LARGE1: variants seen among roughly 807,000 people sequenced by gnomAD.
LARGE1 encodes the protein xylosyl- and glucuronyltransferase LARGE1.
LARGE1 carries 43 observed loss-of-function variants against 87.6 expected under a neutral mutation model. That is an observed-to-expected ratio of 0.49 (90% CI 0.38 to 0.63). The LOEUF (loss-of-function observed/expected upper bound fraction) is 0.63, where lower values mean the gene tolerates loss of function less well. Ranked by LOEUF, LARGE1 falls within the 30% of genes least tolerant of loss-of-function variation. The pLI is 0.00. For missense variants in LARGE1, 802 were observed against 1,000.2 expected, an observed-to-expected ratio of 0.80 and a Z score of 2.67; for synonymous variants, 434 against 394.6, an observed-to-expected ratio of 1.10 and a Z score of -1.18.
At chr22:33,497,071 CTTTTTTTT>C (rs5845088) in intron 6 of LARGE1, among the ~76,000 whole-genome samples, 1 of 133,960 alleles carries the variant, frequency 7.5e-6, no homozygotes, top group African/African-American at 2.8e-5. Context: ...CTTTTCTTTT[CTTTTTTTT>C]TTTTTTTTCT....
At chr22:33,555,081 G>A (rs899740433) in intron 6 of LARGE1, among the ~76,000 whole-genome samples, 1 of 152,026 alleles carries the variant, frequency 6.6e-6, no homozygotes, top group Non-Finnish European at 1.5e-5. Flanking sequence ...GATTTTTTTT[G>A]TCTTCTTACT....
chr22:33,725,435 T>C (rs2083241282), intron 2 of LARGE1, among the ~76,000 whole-genome samples: 1 of 152,170 alleles, frequency 6.6e-6, no homozygotes, highest in Admixed American at 6.5e-5. Context: ...CCCTCCCAGT[T>C]GAGGGTTCAT....
chr22:33,715,496 C>T (rs2082882304), intron 2 of LARGE1, among the ~76,000 whole-genome samples: 1 of 152,172 alleles, frequency 6.6e-6, no homozygotes, highest in South Asian at 2.1e-4. Context: ...GCATATGCAG[C>T]TATCCTTTTA....
rs199658707 is a variant in LARGE1 at position 33,337,611 on chromosome 22, C to T, written c.1287+35G>A. On this transcript the variant is annotated intron_variant, in intron 10 of 14. Transcript: ENST00000397394. ...GTCCTTGATGGATGAGCAGAGAAGC[C>T]GCCCCTTCCCTGCCCAGCCTTGCGA... 1.8e-5 allele frequency: 29 copies of T among 1,612,552 alleles called. No individual in the cohort carries two copies. The East Asian group carries it at 2.2e-4, about 12-fold the overall frequency.
intron 7 of LARGE1, 53 bp downstream of exon 7, chr22:33,432,108 T>C: frequency 1.4e-6 from 2 of 1,403,222 alleles, no homozygotes; most frequent in Non-Finnish European, 1.0e-6. Flanking sequence ...GAAGGAGCAC[T>C]GGGTCCTCAT....
chr22:33,215,226 G>A (rs954865500), intron 11 of LARGE1, among the ~76,000 whole-genome samples: 4 of 152,074 alleles, frequency 2.6e-5, no homozygotes, highest in Non-Finnish European at 2.9e-5. Flanking sequence ...AAATGCCACC[G>A]TGCCCGGCCT....
At chr22:33,758,233 C>A (rs1484420953) in intron 2 of LARGE1, among the ~76,000 whole-genome samples, 1 of 152,176 alleles carries the variant, frequency 6.6e-6, no homozygotes, top group Non-Finnish European at 1.5e-5. Context: ...ACACCCTGAG[C>A]CTCTGCTTCT....
intron 6 of LARGE1, among the ~76,000 whole-genome samples, chr22:33,498,995 CA>C (rs1191641507): frequency 1.3e-5 from 2 of 151,866 alleles, no homozygotes; most frequent in Non-Finnish European, 2.9e-5. Flanking sequence ...CATAAATAAA[CA>C]AAAAATTTAA....
chr22:33,897,768 G>A (rs1035108203), intron 1 of LARGE1, among the ~76,000 whole-genome samples: 2 of 152,132 alleles, frequency 1.3e-5, no homozygotes, highest in East Asian at 1.9e-4. Flanking sequence ...GGGACCTGTC[G>A]GTGAGACCCA....
chr22:33,100,650 TTGATTCATTAGGTGCAGAA>T, the LARGE1 span, among the ~76,000 whole-genome samples: 4 of 152,148 alleles, frequency 2.6e-5, no homozygotes, highest in Non-Finnish European at 5.9e-5. Flanking sequence ...AAAGCAGAGT[TTGATTCATTAGGTGCAGAA>T]TGATTCATTA....
chr22:33,754,970 C>T (rs1223150919), intron 2 of LARGE1, among the ~76,000 whole-genome samples: 1 of 152,144 alleles, frequency 6.6e-6, no homozygotes, highest in Non-Finnish European at 1.5e-5. Context: ...ACAAACCCTC[C>T]TTGGATAAAA....
intron 1 of LARGE1, among the ~76,000 whole-genome samples, chr22:33,882,522 G>C (rs1016792062): frequency 2.0e-5 from 3 of 152,180 alleles, no homozygotes; most frequent in Non-Finnish European, 4.4e-5. Flanking sequence ...CAGCAGGGGG[G>C]CATTGTTAAA....
At chr22:33,453,628 A>T (rs1385583888) in intron 6 of LARGE1, among the ~76,000 whole-genome samples, 1 of 152,158 alleles carries the variant, frequency 6.6e-6, no homozygotes, top group African/African-American at 2.4e-5. Context: ...TTTGGAGTAC[A>T]TCTGACTGGC....
intron 11 of LARGE1, among the ~76,000 whole-genome samples, chr22:33,266,490 C>T (rs1364646577): frequency 6.6e-6 from 1 of 151,710 alleles, no homozygotes; most frequent in Non-Finnish European, 1.5e-5. Flanking sequence ...TCCCGAAGTG[C>T]TGGGATTACA....
downstream of LARGE1, among the ~76,000 whole-genome samples, chr22:33,271,212 G>T (rs148156279): frequency 1.3e-5 from 2 of 152,322 alleles, no homozygotes; most frequent in African/African-American, 4.8e-5. Flanking sequence ...AAATTCTCTT[G>T]TCTGTCACTG....
In LARGE1 at chr22:33,913,680, A is replaced by G. The variant is rs1005275035; in HGVS notation, c.-83+6315T>C. On this transcript the variant is annotated intron_variant, in intron 1 of 14. Coordinates refer to ENST00000397394, the MANE Select transcript of LARGE1 (RefSeq NM_133642.5). ...TACCTCAGCCTCCCGAGTAGCTGGGACTACAGGCACGCGCCACCATGCCCA... is the reference window on the plus strand; with the variant it reads ...TACCTCAGCCTCCCGAGTAGCTGGGGCTACAGGCACGCGCCACCATGCCCA... Among the ~76,000 whole-genome samples, 3 of 151,958 alleles carry G rather than the reference A, an allele frequency of 2.0e-5. No homozygotes were observed. The South Asian group carries it at 6.2e-4, about 32-fold the overall frequency.
At chr22:33,753,640 T>C (rs1003582883) in intron 2 of LARGE1, among the ~76,000 whole-genome samples, 1 of 152,216 alleles carries the variant, frequency 6.6e-6, no homozygotes, top group African/African-American at 2.4e-5. Context: ...CATTTCTTGA[T>C]TCCTGGTCCA....
intron 11 of LARGE1, among the ~76,000 whole-genome samples, chr22:33,219,557 T>C (rs1925362551): frequency 6.6e-6 from 1 of 152,226 alleles, no homozygotes. Context: ...CAGGCAGCAT[T>C]GCATAGGTGA....
chr22:33,558,610 C>T (rs1266459690), intron 6 of LARGE1, among the ~76,000 whole-genome samples: 1 of 152,160 alleles, frequency 6.6e-6, no homozygotes, highest in Non-Finnish European at 1.5e-5. Context: ...GAAGCTTGGT[C>T]TCTTTTTTGC....
Sources: allele counts gnomAD v4.1 joint callset (sites outside exome capture counted in the v4.1 genomes callset), GRCh38; gene constraint gnomAD v4.1.1; transcripts MANE v1.5; gene names NCBI Gene and HGNC (gene_info 2026-07-23, HGNC 2026-07-21).